ENTREP2: variants seen among roughly 807,000 people sequenced by gnomAD.
The protein encoded by ENTREP2 is endosomal transmembrane epsin interactor 2.
chr15:29,236,582 A>G, the ENTREP2 span, among the ~76,000 whole-genome samples: 1 of 152,102 alleles, frequency 6.6e-6, no homozygotes, highest in Admixed American at 6.6e-5. Flanking sequence ...TCAGGAGTTC[A>G]AGGTTGCATT....
chr15:29,261,830 T>G, the ENTREP2 span, among the ~76,000 whole-genome samples: 1 of 151,762 alleles, frequency 6.6e-6, no homozygotes, highest in Non-Finnish European at 1.5e-5. Context: ...ATCTGAGAAT[T>G]TATCAAATAT....
At chr15:29,119,078 C>T in the ENTREP2 span, among the ~76,000 whole-genome samples, 1 of 152,120 alleles carries the variant, frequency 6.6e-6, no homozygotes, top group Non-Finnish European at 1.5e-5. Context: ...GGGCCAAGGG[C>T]TTGCTCCAGC....
At chr15:29,336,145 A>AAG in the ENTREP2 span, among the ~76,000 whole-genome samples, 1 of 150,672 alleles carries the variant, frequency 6.6e-6, no homozygotes, top group African/African-American at 2.4e-5. Context: ...CCGTCTCAAA[A>AAG]AAAAAAAAAA....
the ENTREP2 span, among the ~76,000 whole-genome samples, chr15:29,138,139 G>A: frequency 6.6e-6 from 1 of 151,972 alleles, no homozygotes; most frequent in African/African-American, 2.4e-5. Context: ...GCAGTCTCAG[G>A]ATTTCACACA....
the ENTREP2 span, among the ~76,000 whole-genome samples, chr15:29,274,263 A>G: frequency 6.6e-6 from 1 of 152,204 alleles, no homozygotes; most frequent in Non-Finnish European, 1.5e-5. Flanking sequence ...CAAACCTATC[A>G]GGCATGTGCA....
the ENTREP2 span, among the ~76,000 whole-genome samples, chr15:29,507,377 GACTTGAACTCAGC>G: frequency 2.0e-5 from 3 of 152,118 alleles, no homozygotes; most frequent in South Asian, 2.1e-4. Context: ...GGATATTCAG[GACTTGAACTCAGC>G]TCTGCACCAA....
the ENTREP2 span, chr15:29,374,798 G>C: frequency 2.0e-5 from 3 of 151,928 alleles, no homozygotes; most frequent in Non-Finnish European, 4.4e-5. Context: ...TCATTTTGGA[G>C]AATGTATATT....
At chr15:29,526,925 G>T in the ENTREP2 span, among the ~76,000 whole-genome samples, 1 of 152,180 alleles carries the variant, frequency 6.6e-6, no homozygotes, top group Non-Finnish European at 1.5e-5. Flanking sequence ...GTCCTCAAAT[G>T]GTCACTAACG....
chr15:29,373,161 A>C, the ENTREP2 span, among the ~76,000 whole-genome samples: 1 of 152,032 alleles, frequency 6.6e-6, no homozygotes, highest in Non-Finnish European at 1.5e-5. Flanking sequence ...TTATGATCTT[A>C]AGAAAAATAA....
At chr15:29,478,365 T>C in the ENTREP2 span, among the ~76,000 whole-genome samples, 2 of 152,140 alleles carry the variant, frequency 1.3e-5, no homozygotes, top group African/African-American at 4.8e-5. Context: ...ATTAAAAATA[T>C]TATCCTTTCA....
At chr15:29,583,624 C>T in the ENTREP2 span, among the ~76,000 whole-genome samples, 1 of 152,150 alleles carries the variant, frequency 6.6e-6, no homozygotes, top group East Asian at 1.9e-4. Flanking sequence ...ACATCCTACA[C>T]ATGTACCCTG....
the ENTREP2 span, chr15:29,196,668 AAGGAGCCTGTTT>A: frequency 7.6e-7 from 1 of 1,317,716 alleles, no homozygotes. Flanking sequence ...GCTCAGTTCA[AAGGAGCCTGTTT>A]CAGTGTGTTT....
chr15:29,313,880 CA>C, the ENTREP2 span, among the ~76,000 whole-genome samples: 1 of 152,190 alleles, frequency 6.6e-6, no homozygotes, highest in Non-Finnish European at 1.5e-5. Flanking sequence ...CCATTAAGAA[CA>C]TTTGTGATTC....
At chr15:29,261,423 A>G in the ENTREP2 span, among the ~76,000 whole-genome samples, 10 of 152,218 alleles carry the variant, frequency 6.6e-5, no homozygotes, top group Middle Eastern at 3.4e-3. Flanking sequence ...GCTTGACTGT[A>G]GTCTGAGCTA....
the ENTREP2 span, among the ~76,000 whole-genome samples, chr15:29,446,608 C>T: frequency 3.9e-5 from 6 of 152,292 alleles, no homozygotes; most frequent in African/African-American, 1.4e-4. Flanking sequence ...TCTTGATATA[C>T]GTGTATACTG....
chr15:29,378,778 T>C, the ENTREP2 span, among the ~76,000 whole-genome samples: 1 of 152,178 alleles, frequency 6.6e-6, no homozygotes, highest in African/African-American at 2.4e-5. Flanking sequence ...AACCTAGATA[T>C]ATATATACAT....
chr15:29,500,398 C>G, the ENTREP2 span, among the ~76,000 whole-genome samples: 3 of 152,056 alleles, frequency 2.0e-5, no homozygotes, highest in African/African-American at 7.2e-5. Context: ...AACATGTTCT[C>G]TGATCACAAA....
chr15:29,519,397 C>G, the ENTREP2 span, among the ~76,000 whole-genome samples: 2 of 151,966 alleles, frequency 1.3e-5, no homozygotes, highest in Admixed American at 6.6e-5. Context: ...TCCTCTGCCA[C>G]CCCGAGATAG....
chr15:29,260,802 TAAGAGAATACTTTTAAAATAAGGCAGG>T, the ENTREP2 span, among the ~76,000 whole-genome samples: 1 of 152,190 alleles, frequency 6.6e-6, no homozygotes, highest in East Asian at 1.9e-4. Context: ...AAAGACATTT[TAAGAGAATACTTTTAAAATAAGGCAGG>T]AAGGAAACTG....
Sources: allele counts gnomAD v4.1 joint callset (sites outside exome capture counted in the v4.1 genomes callset), GRCh38; gene constraint gnomAD v4.1.1; transcripts MANE v1.5; gene names NCBI Gene and HGNC (gene_info 2026-07-23, HGNC 2026-07-21).